Variants in DRG1 observed in about 807,000 individuals in gnomAD.
DRG1 encodes developmentally regulated GTP binding protein 1.
In DRG1, 19 loss-of-function variants were observed where a neutral mutation model predicts 38.8. That is an observed-to-expected ratio of 0.49 (90% CI 0.34 to 0.72). The LOEUF (loss-of-function observed/expected upper bound fraction) is 0.72, where lower values mean the gene tolerates loss of function less well. Among genes scored for constraint, DRG1 ranks in the 30% least tolerant of loss-of-function variants. The pLI is 0.01. For missense variants in DRG1, 299 were observed against 444.8 expected (o/e 0.67, Z 2.95); for synonymous variants, 167 against 157.5 (o/e 1.06, Z -0.45).
chr22:31,426,946 C>G (rs2050114443), intron 7 of DRG1, 114 bp from the exon 8 acceptor site: 1 of 1,518,254 alleles, frequency 6.6e-7, no homozygotes, highest in South Asian at 1.3e-5. Flanking sequence ...GACACTTTTT[C>G]CCTTAAGTTG....
chr22:31,423,523 CTTTTTTTT>C (rs1229925627), intron 6 of DRG1, 113 bp downstream of exon 6: 14 of 478,526 alleles, frequency 2.9e-5, no homozygotes, highest in East Asian at 5.2e-5. Context: ...GTCCTACTGT[CTTTTTTTT>C]TTTTTTTTTT....
intron 4 of DRG1, among the ~76,000 whole-genome samples, chr22:31,416,581 C>G (rs1312726906): frequency 6.6e-6 from 1 of 152,042 alleles, no homozygotes; most frequent in Non-Finnish European, 1.5e-5. Context: ...GTGGTGAAAC[C>G]CCATCTCTAC....
chr22:31,405,743 C>T (rs1450105805), intron 3 of DRG1, among the ~76,000 whole-genome samples: 1 of 151,920 alleles, frequency 6.6e-6, no homozygotes, highest in East Asian at 1.9e-4. Context: ...GGCTGGAGTG[C>T]AGTGGCGTGA....
intron 4 of DRG1, among the ~76,000 whole-genome samples, chr22:31,415,940 CATT>C (rs1356542207): frequency 2.0e-5 from 3 of 151,998 alleles, no homozygotes; most frequent in Non-Finnish European, 4.4e-5. Flanking sequence ...TTGTCTCTAA[CATT>C]ATAGCCCCAT....
intron 6 of DRG1, among the ~76,000 whole-genome samples, chr22:31,424,799 C>A (rs1237254684): frequency 4.1e-5 from 1 of 24,312 alleles, no homozygotes; most frequent in Admixed American, 5.1e-4. Context: ...GCCCGGCACC[C>A]GCCCCCCCCC....
intron 1 of DRG1, 102 bp downstream of exon 1, chr22:31,399,827 G>C: frequency 6.4e-7 from 1 of 1,562,488 alleles, no homozygotes; most frequent in Non-Finnish European, 8.8e-7. Context: ...ACCGGGCCTA[G>C]ATTCCGCGAC....
chr22:31,412,013 C>T (rs561597670), intron 4 of DRG1, among the ~76,000 whole-genome samples: 30 of 151,912 alleles, frequency 2.0e-4, no homozygotes, highest in Non-Finnish European at 3.5e-4. Flanking sequence ...TACTTCAGGC[C>T]GGGCACTGTG....
rs777249479 is a variant in DRG1 at position 31,426,622 on chromosome 22, A to G, written c.721A>G (p.Ile241Val). The G allele has an allele frequency of 1.5e-5, 24 of 1,611,082 alleles. No homozygotes were observed. Among genetic ancestry groups the G allele is most frequent in the Non-Finnish European group, 2.0e-5 (24 of 1,179,132 alleles). The change falls in exon 7 of 9, where the codon ATC (isoleucine) becomes GTC (valine). Residue 241 changes from isoleucine (I) to valine (V), a missense_variant. Around this residue, in one of 3 missense-constraint regions of DRG1, gnomAD observed 198 missense variants for 268.1 expected, o/e 0.74. Transcript: ENST00000331457. Reference protein sequence around the residue: ...IDVVEGNRVYIPCIYVLNKID... With the variant: ...IDVVEGNRVYVPCIYVLNKID... ...TTTCTTCACTTTCTGTAGAGTTTAT[A>G]TCCCCTGTATCTATGTGTTAAATAA... is the stretch of plus-strand genomic sequence containing the variant.
chr22:31,428,336 C>T (rs188449327), intron 8 of DRG1, among the ~76,000 whole-genome samples: 9 of 152,068 alleles, frequency 5.9e-5, no homozygotes, highest in Admixed American at 2.0e-4. Context: ...CTCAGCCTCC[C>T]GAGTAGCTGG....
At chr22:31,418,811 AG>A (rs2050058638) in intron 4 of DRG1, among the ~76,000 whole-genome samples, 1 of 152,078 alleles carries the variant, frequency 6.6e-6, no homozygotes, top group Non-Finnish European at 1.5e-5. Context: ...CCTCCCAAGT[AG>A]CTGGGACTAC....
chr22:31,431,035 C>CCCTT (rs2050136481), intron 8 of DRG1, among the ~76,000 whole-genome samples: 1 of 56,762 alleles, frequency 1.8e-5, no homozygotes. Context: ...CCCCCCCCCG[C>CCCTT]TTTTTTTTTT....
rs1300446532 is a variant in DRG1, at chr22:31,400,627, G to T, written c.50G>T (p.Arg17Leu). ...KIAEIEAEMARTQKNKATAHH... is the reference protein window; with the variant it reads ...KIAEIEAEMALTQKNKATAHH... The stretch of plus-strand genomic sequence containing the variant: ...GTGATTCCTCCCTTTTAGATGGCTC[G>T]GACTCAAAAGAACAAGGCCACAGCA... The change falls in exon 2 of 9, where the codon CGG (arginine) becomes CTG (leucine). Residue 17 changes from arginine to leucine, a missense_variant. Around this residue, in one of 3 missense-constraint regions of DRG1, gnomAD observed 51 missense variants for 56.1 expected, o/e 0.91. Coordinates refer to ENST00000331457, the MANE Select transcript of DRG1 (RefSeq NM_004147.4). The T allele has an allele frequency of 1.2e-6, 2 of 1,612,320 alleles. No homozygotes were observed. The highest frequency in any genetic ancestry group is 1.1e-5 in the South Asian group (1 of 90,954).
intron 6 of DRG1, among the ~76,000 whole-genome samples, chr22:31,423,612 C>T (rs568628633): frequency 1.3e-5 from 2 of 150,302 alleles, no homozygotes; most frequent in South Asian, 4.2e-4. Context: ...CTGCAAGCTC[C>T]ACCTCCCAGG....
At chr22:31,400,335 G>A (rs1230208883) in intron 1 of DRG1, among the ~76,000 whole-genome samples, 1 of 151,916 alleles carries the variant, frequency 6.6e-6, no homozygotes, top group East Asian at 1.9e-4. Context: ...AGTGTTAGAT[G>A]GATCCAAACA....
At chr22:31,430,626 C>G (rs909791624) in intron 8 of DRG1, among the ~76,000 whole-genome samples, 28 of 152,038 alleles carry the variant, frequency 1.8e-4, no homozygotes, top group Admixed American at 9.8e-4. Context: ...GTCTTGATCT[C>G]CTGACCTCGT....
At chr22:31,412,476 G>A (rs2050023365) in intron 4 of DRG1, among the ~76,000 whole-genome samples, 1 of 147,466 alleles carries the variant, frequency 6.8e-6, no homozygotes, top group African/African-American at 2.5e-5. Context: ...TCAGCCTCCT[G>A]AGTAGCTGGG....
rs550121577 is a variant in DRG1 at position 31,403,581 on chromosome 22, C to T, written c.342+377C>T. 3.3e-5 allele frequency among the ~76,000 whole-genome samples: 5 copies of T among 152,270 alleles called. No individual in the cohort carries two copies. In the South Asian group the frequency reaches 1.0e-3, roughly 32 times the overall value. On this transcript the variant is annotated intron_variant, in intron 3 of 8. Transcript: ENST00000331457. ...ACTCGGGAGGCTGAGGCTGGAGAAT[C>T]GCTTGAACTACTTTTTCACCTGAGG... is the stretch of plus-strand genomic sequence containing the variant.
intron 3 of DRG1, among the ~76,000 whole-genome samples, chr22:31,405,271 G>A (rs2075411081): frequency 6.6e-6 from 1 of 151,214 alleles, no homozygotes; most frequent in Admixed American, 6.6e-5. Context: ...GGATTTAAGT[G>A]ATTCTTCTAC....
chr22:31,416,452 G>A (rs1371174925), intron 4 of DRG1, among the ~76,000 whole-genome samples: 1 of 152,108 alleles, frequency 6.6e-6, no homozygotes, highest in African/African-American at 2.4e-5. Context: ...TCAGTCACTG[G>A]GCTTAAGATA....
Sources: allele counts gnomAD v4.1 joint callset (sites outside exome capture counted in the v4.1 genomes callset), GRCh38; gene constraint gnomAD v4.1.1; regional missense constraint gnomAD v4.1.1; transcripts MANE v1.5; gene names NCBI Gene and HGNC (gene_info 2026-07-23, HGNC 2026-07-21).